The following TAF4B variants were observed in gnomAD, a reference collection of about 807,000 sequenced individuals.
TAF4B encodes TATA-box binding protein associated factor 4b.
TAF4B carries 38 observed loss-of-function variants against 86.4 expected under a neutral mutation model. The ratio of observed to expected loss-of-function variants is 0.44; its 90% CI spans 0.34 to 0.58. The LOEUF (loss-of-function observed/expected upper bound fraction) is 0.58. Ranked by LOEUF, TAF4B falls within the 20% of genes least tolerant of loss-of-function variation. The pLI is 0.02. For synonymous variants in TAF4B, 388 were observed against 391.2 expected, an observed-to-expected ratio of 0.99 and a Z score of 0.10; for missense variants, 988 against 1,027.6, an observed-to-expected ratio of 0.96 and a Z score of 0.53.
chr18:26,382,852 T>A (rs1238071786), intron 14 of TAF4B, among the ~76,000 whole-genome samples: 1 of 152,032 alleles, frequency 6.6e-6, no homozygotes, highest in Admixed American at 6.6e-5. Context: ...CGTATGATGG[T>A]AGAGGGAAAT....
intron 7 of TAF4B, among the ~76,000 whole-genome samples, chr18:26,288,191 A>G (rs2056548398): frequency 6.6e-6 from 1 of 152,226 alleles, no homozygotes; most frequent in South Asian, 2.1e-4. Context: ...TTGAGCATCT[A>G]TAGCATATAG....
At chr18:26,369,517 A>G (rs1292795667) in intron 14 of TAF4B, among the ~76,000 whole-genome samples, 1 of 152,184 alleles carries the variant, frequency 6.6e-6, no homozygotes, top group Non-Finnish European at 1.5e-5. Flanking sequence ...AGGGCCATGA[A>G]GCATTTTGAC....
intron 1 of TAF4B, among the ~76,000 whole-genome samples, chr18:26,253,335 T>A (rs1338253288): frequency 6.6e-6 from 1 of 152,196 alleles, no homozygotes; most frequent in African/African-American, 2.4e-5. Context: ...GTTGAGATGA[T>A]CATGTGTTTT....
chr18:26,256,399 C>A, intron 1 of TAF4B: 2 of 1,103,204 alleles, frequency 1.8e-6, no homozygotes, highest in Non-Finnish European at 1.4e-6. Context: ...AGCCGTTCCA[C>A]GCGCAATAAC....
At position 26,346,907 on chromosome 18, in the gene TAF4B, G is replaced by GTATATATATATATA. The variant is rs61248095; in HGVS notation, c.2317-10780_2317-10767dup. Reference sequence around the variant, plus strand: ...TATATATATATATATATATGTGTGTGTATATATATATATATAGTTTTTTGT... The same window carrying GTATATATATATATA: ...TATATATATATATATATATGTGTGTGTATATATATATATATATATATATATATATAGTTTTTTGT... On this transcript the variant is annotated intron_variant, in intron 13 of 14. Transcript: ENST00000269142. 3.7e-3 allele frequency among the ~76,000 whole-genome samples: 42 copies of GTATATATATATATA among 11,214 alleles called. 4 individuals are homozygous for GTATATATATATATA. Among genetic ancestry groups the GTATATATATATATA allele is most frequent in the Non-Finnish European group, 5.1e-3 (20 of 3,902 alleles). 7.4% of individuals were successfully genotyped at this position (11,214 alleles called of 152,430 possible).
chr18:26,246,382 A>C (rs1050018973), intron 1 of TAF4B, among the ~76,000 whole-genome samples: 5 of 152,296 alleles, frequency 3.3e-5, no homozygotes, highest in Admixed American at 2.0e-4. Context: ...ATGCCAATCA[A>C]GTTTGTAGAT....
chr18:26,242,156 CGTT>C (rs1314371381), intron 1 of TAF4B, among the ~76,000 whole-genome samples: 1 of 152,124 alleles, frequency 6.6e-6, no homozygotes, highest in Non-Finnish European at 1.5e-5. Context: ...CTTTCTGTCT[CGTT>C]GATCTGTCTA....
At position 26,293,466 on chromosome 18, in the gene TAF4B, T is replaced by G. The variant is rs542130334; in HGVS notation, c.1767T>G (p.Ile589Met). Residue 589 changes from isoleucine to methionine, a missense_variant, in exon 9 of 15, where the codon ATT (isoleucine) becomes ATG (methionine). By Grantham distance (10) the Ile-to-Met change is conservative. Transcript: ENST00000269142. ...AAATTACTCTGCCTGGAAATAAAAT[T>G]CTGTCACTTCAAGCATCTCCTACTC... ...LKQITLPGNK[I>M]LSLQASPTQK... 32 of 1,597,948 alleles carry G rather than the reference T, an allele frequency of 2.0e-5. No homozygotes were observed. In the South Asian group the frequency reaches 3.1e-4, roughly 16 times the overall value.
At chr18:26,286,621 T>G (rs201573962) in intron 7 of TAF4B, 122 bp downstream of exon 7, 1 of 17,798 alleles carries the variant, frequency 5.6e-5, no homozygotes, top group East Asian at 0.028. Context: ...GACCAATTAA[T>G]TTTTTTTTTT....
intron 1 of TAF4B, among the ~76,000 whole-genome samples, chr18:26,242,034 C>T (rs1249604331): frequency 4.6e-5 from 7 of 152,062 alleles, no homozygotes; most frequent in Middle Eastern, 3.2e-3. Context: ...ATAAGTGCTA[C>T]GTGGTGCTGA....
intron 14 of TAF4B, among the ~76,000 whole-genome samples, chr18:26,388,323 G>A (rs1212777052): frequency 6.6e-6 from 1 of 152,156 alleles, no homozygotes; most frequent in Non-Finnish European, 1.5e-5. Flanking sequence ...CAGGAGTGTT[G>A]TGTTTTCATC....
At chr18:26,346,871 A>ATGTGTGTGTG (rs1567914139) in intron 13 of TAF4B, among the ~76,000 whole-genome samples, 1 of 5,202 alleles carries the variant, frequency 1.9e-4, no homozygotes, top group East Asian at 0.018. Flanking sequence ...GTATATATAT[A>ATGTGTGTGTG]TATGTGTATA....
chr18:26,347,293 A>C (rs985210945), intron 13 of TAF4B, among the ~76,000 whole-genome samples: 1 of 152,108 alleles, frequency 6.6e-6, no homozygotes, highest in Non-Finnish European at 1.5e-5. Flanking sequence ...ACAATCAAAA[A>C]TTAAGGGAAT....
At chr18:26,365,921 C>G (rs1394045773) in intron 14 of TAF4B, among the ~76,000 whole-genome samples, 1 of 152,136 alleles carries the variant, frequency 6.6e-6, no homozygotes, top group East Asian at 1.9e-4. Context: ...TCCTGAGTAA[C>G]TGGGACCACA....
chr18:26,341,224 G>T (rs928704444), intron 13 of TAF4B, among the ~76,000 whole-genome samples: 8 of 152,018 alleles, frequency 5.3e-5, no homozygotes, highest in African/African-American at 1.9e-4. Context: ...TGAACTTAAC[G>T]ATTCCTGCTC....
intron 14 of TAF4B, among the ~76,000 whole-genome samples, chr18:26,365,901 C>T (rs867401981): frequency 7.9e-5 from 12 of 152,080 alleles, no homozygotes; most frequent in Non-Finnish European, 1.6e-4. Context: ...GCCATCCTTC[C>T]GCCTCAGCCT....
chr18:26,357,885 C>T, intron 14 of TAF4B, 91 bp downstream of exon 14: 1 of 820,722 alleles, frequency 1.2e-6, no homozygotes, highest in South Asian at 2.5e-5. Context: ...CCCTGTTATG[C>T]ACGCTGTTGC....
intron 10 of TAF4B, among the ~76,000 whole-genome samples, chr18:26,320,273 T>C (rs189597167): frequency 1.3e-5 from 2 of 152,388 alleles, no homozygotes; most frequent in East Asian, 3.9e-4. Context: ...CCTGTATCTT[T>C]AGATTTAAGC....
intron 14 of TAF4B, among the ~76,000 whole-genome samples, chr18:26,365,684 C>T (rs905857129): frequency 1.3e-5 from 2 of 152,206 alleles, no homozygotes; most frequent in African/African-American, 4.8e-5. Context: ...CCATGAATCA[C>T]TTCAGTATGT....
Sources: allele counts gnomAD v4.1 joint callset (sites outside exome capture counted in the v4.1 genomes callset), GRCh38; gene constraint gnomAD v4.1.1; transcripts MANE v1.5; gene names NCBI Gene and HGNC (gene_info 2026-07-23, HGNC 2026-07-21).